The following ADGRL4 variants were observed in gnomAD, a reference collection of about 807,000 sequenced individuals.
ADGRL4 encodes EGF, latrophilin and seven transmembrane domain containing 1.
In ADGRL4, 90 loss-of-function variants were observed where a neutral mutation model predicts 74.8. The observed-to-expected ratio is 1.20, with a 90% confidence interval of 1.02 to 1.43. The LOEUF (loss-of-function observed/expected upper bound fraction) is 1.43. ADGRL4 is among the 40% of genes most tolerant of loss of function. The pLI is 0.00. For missense variants in ADGRL4, 881 were observed against 814.3 expected, an observed-to-expected ratio of 1.08 and a Z score of -1.00; for synonymous variants, 311 against 279.2, an observed-to-expected ratio of 1.11 and a Z score of -1.14.
intron 3 of ADGRL4, among the ~76,000 whole-genome samples, chr1:78,942,422 T>C (rs1349927366): frequency 6.6e-6 from 1 of 152,158 alleles, no homozygotes. Context: ...GGTTACCATG[T>C]CTTGGTAATC....
intron 2 of ADGRL4, among the ~76,000 whole-genome samples, chr1:78,978,643 C>T (rs1271780966): frequency 6.6e-6 from 1 of 151,916 alleles, no homozygotes. Context: ...CAAGAGCAGA[C>T]TAACACTTAT....
At chr1:78,905,225 A>G (rs1009615777) in intron 12 of ADGRL4, among the ~76,000 whole-genome samples, 7 of 152,078 alleles carry the variant, frequency 4.6e-5, no homozygotes, top group African/African-American at 1.7e-4. Context: ...TGTGTAAACA[A>G]TTCCTCATTT....
At chr1:78,967,019 G>A (rs560270441) in intron 2 of ADGRL4, among the ~76,000 whole-genome samples, 8 of 152,088 alleles carry the variant, frequency 5.3e-5, no homozygotes, top group African/African-American at 1.2e-4. Context: ...CGTTGTGTAC[G>A]TGACATCTGT....
At chr1:78,892,969 G>A (rs7516845) in intron 13 of ADGRL4, 129 bp downstream of exon 13, 27,064 of 603,286 alleles carry the variant, frequency 0.045, 729 homozygotes, top group Middle Eastern at 0.059. Context: ...TTTCCGATGC[G>A]TCTTTTAAAT....
chr1:78,967,316 G>C (rs536843207), intron 2 of ADGRL4, among the ~76,000 whole-genome samples: 1 of 152,262 alleles, frequency 6.6e-6, no homozygotes, highest in East Asian at 1.9e-4. Context: ...AGTAAGACAT[G>C]GGGTAAAATG....
In ADGRL4 at chr1:78,894,502, C is replaced by T. The variant is rs141806416; in HGVS notation, c.1750-1313G>A. On this transcript the variant is annotated intron_variant, in intron 12 of 14. Transcript: ENST00000370742. ...GTGATAGTTCCATCCTCTTTGTATG[C>T]TCAAATAATTAACTGAAATGACAAT... 1.3e-4 allele frequency among the ~76,000 whole-genome samples: 20 copies of T among 151,682 alleles called. No homozygotes were observed. In the East Asian group the frequency reaches 3.9e-3, roughly 29 times the overall value.
At chr1:78,918,080 T>G in intron 10 of ADGRL4, 30 bp from the exon 11 acceptor site, 1 of 1,469,920 alleles carries the variant, frequency 6.8e-7, no homozygotes, top group Non-Finnish European at 9.4e-7. Context: ...AAAAAAACAT[T>G]GTCAGTGTTT....
At chr1:78,998,328 G>A (rs1650762125) in intron 2 of ADGRL4, among the ~76,000 whole-genome samples, 2 of 139,856 alleles carry the variant, frequency 1.4e-5, no homozygotes, top group Non-Finnish European at 3.0e-5. Flanking sequence ...CTTGACCTAC[G>A]CATTTTATCA....
intron 8 of ADGRL4, among the ~76,000 whole-genome samples, 176 bp from the exon 9 acceptor site, chr1:78,921,962 C>T (rs1377908574): frequency 1.3e-5 from 2 of 151,952 alleles, no homozygotes; most frequent in Non-Finnish European, 2.9e-5. Flanking sequence ...TGCAACAATG[C>T]TGTATTTTAT....
intron 7 of ADGRL4, among the ~76,000 whole-genome samples, chr1:78,933,553 C>T (rs1197453998): frequency 6.6e-6 from 1 of 151,284 alleles, no homozygotes; most frequent in Middle Eastern, 3.2e-3. Context: ...CACTCTTATT[C>T]AATGTAGTAT....
Position 78,920,259 on chromosome 1 carries a change from A to G in ADGRL4, c.1385T>C (p.Ile462Thr). 1 of 1,612,160 alleles carries G rather than the reference A, an allele frequency of 6.2e-7. No individual in the cohort carries two copies. The highest frequency in any genetic ancestry group is 8.5e-7 in the Non-Finnish European group (1 of 1,178,868). ...FSEIQSTRTT[I>T]HKNLCCSLFL... ...TAGGCTACAGCAAAGATTTTTGTGA[A>G]TTGTTGTCCTGGTGCTTTGAATTTC... Residue 462 changes from isoleucine to threonine, a missense_variant, in exon 10 of 15, where the codon ATT becomes ACT. By Grantham distance (89) the Ile-to-Thr change is moderately conservative (BLOSUM62 -1). Coordinates refer to ENST00000370742, the MANE Select transcript of ADGRL4 (RefSeq NM_022159.4).
At chr1:78,963,460 GT>G (rs930921486) in intron 2 of ADGRL4, among the ~76,000 whole-genome samples, 11 of 152,046 alleles carry the variant, frequency 7.2e-5, no homozygotes, top group African/African-American at 2.7e-4. Context: ...TGTCAACATT[GT>G]CTTTCTCTGT....
chr1:78,966,802 T>C (rs1650065503), intron 2 of ADGRL4, among the ~76,000 whole-genome samples: 1 of 152,078 alleles, frequency 6.6e-6, no homozygotes, highest in Non-Finnish European at 1.5e-5. Flanking sequence ...TCCCAGGCAT[T>C]CTTTTTTCTT....
At chr1:78,929,340 C>A (rs1030598474) in intron 7 of ADGRL4, among the ~76,000 whole-genome samples, 4 of 151,224 alleles carry the variant, frequency 2.6e-5, no homozygotes, top group Non-Finnish European at 5.9e-5. Context: ...TATGGCAAAA[C>A]CACGTCTCTA....
At chr1:78,916,426 G>A (rs888508531) in intron 12 of ADGRL4, among the ~76,000 whole-genome samples, 1 of 151,868 alleles carries the variant, frequency 6.6e-6, no homozygotes, top group Non-Finnish European at 1.5e-5. Context: ...AAATATGCGA[G>A]TGGGACACCA....
chr1:78,965,025 T>TAAAA (rs5775470), intron 2 of ADGRL4, among the ~76,000 whole-genome samples: 1 of 151,812 alleles, frequency 6.6e-6, no homozygotes, highest in Non-Finnish European at 1.5e-5. Context: ...TAAATAGTCT[T>TAAAA]AAAAAAAACT....
rs191927272 is a variant in ADGRL4 at position 78,904,974 on chromosome 1, A to G, written c.1750-11785T>C. Among the ~76,000 whole-genome samples the G allele has an allele frequency of 1.1e-4, 16 of 152,192 alleles. No individual in the cohort carries two copies. The East Asian group carries it at 1.2e-3, about 11-fold the overall frequency. On this transcript the variant is annotated intron_variant, in intron 12 of 14. Transcript: ENST00000370742. ...CAAAATTTGAAGTGACCAAAACTAC[A>G]TATAATGTGTATTTATTCAACAATT... is the stretch of plus-strand genomic sequence containing the variant.
intron 2 of ADGRL4, among the ~76,000 whole-genome samples, chr1:78,967,933 G>C (rs1243926211): frequency 6.7e-6 from 1 of 150,194 alleles, no homozygotes; most frequent in East Asian, 1.9e-4. Flanking sequence ...TCAAACTTCG[G>C]CTCCAAAATT....
At chr1:78,966,387 G>A (rs1650056584) in intron 2 of ADGRL4, among the ~76,000 whole-genome samples, 1 of 152,196 alleles carries the variant, frequency 6.6e-6, no homozygotes, top group South Asian at 2.1e-4. Context: ...TCATGATCAT[G>A]TGACCAGGAC....
Sources: allele counts gnomAD v4.1 joint callset (sites outside exome capture counted in the v4.1 genomes callset), GRCh38; gene constraint gnomAD v4.1.1; transcripts MANE v1.5; gene names NCBI Gene and HGNC (gene_info 2026-07-23, HGNC 2026-07-21).